The following NALF1 variants were observed in gnomAD, a reference collection of about 807,000 sequenced individuals.
NALF1 encodes the protein NALCN channel auxiliary factor 1.
Under a neutral mutation model 48.4 loss-of-function variants are expected in NALF1, and 3 were observed. The observed-to-expected ratio is 0.06, with a 90% CI of 0.03 to 0.16. The LOEUF is 0.16. Among genes scored for constraint, NALF1 ranks in the 10% least tolerant of loss-of-function variants. NALF1 has a pLI of 1.00. For synonymous variants in NALF1, 262 were observed against 245.7 expected, an observed-to-expected ratio of 1.07 and a Z score of -0.62; for missense variants, 526 against 571.5, an observed-to-expected ratio of 0.92 and a Z score of 0.81.
chr13:107,800,613 ATATATAT>A (rs1878580159), intron 1 of NALF1, among the ~76,000 whole-genome samples: 1 of 147,072 alleles, frequency 6.8e-6, no homozygotes, highest in Non-Finnish European at 1.5e-5. Flanking sequence ...GTAATATAAT[ATATATAT>A]TATATAATTA....
intron 1 of NALF1, among the ~76,000 whole-genome samples, chr13:107,849,050 C>A (rs1354815268): frequency 2.6e-5 from 4 of 152,090 alleles, no homozygotes; most frequent in African/African-American, 9.7e-5. Flanking sequence ...ACAACAACAC[C>A]CATTTTATTG....
At chr13:107,775,603 T>C (rs369416893) in intron 1 of NALF1, among the ~76,000 whole-genome samples, 6,641 of 144,886 alleles carry the variant, frequency 0.046, 135 homozygotes, top group East Asian at 0.086. Context: ...ATGGTATTTC[T>C]AGTTCTAGAT....
intron 1 of NALF1, among the ~76,000 whole-genome samples, chr13:107,305,436 T>G (rs1009479625): frequency 1.3e-5 from 2 of 152,250 alleles, no homozygotes; most frequent in African/African-American, 4.8e-5. Context: ...AACTTTTTTT[T>G]AAATTTATCA....
chr13:107,652,188 G>A lies in NALF1; in HGVS notation c.915+213494C>T, dbSNP rs150795138. Among the ~76,000 whole-genome samples, 157 of 152,232 alleles carry A rather than the reference G, an allele frequency of 1.0e-3. 1 individual carries two copies. The highest frequency in any genetic ancestry group is 3.7e-3 in the African/African-American group (154 of 41,558). On this transcript the variant is annotated intron_variant, in intron 1 of 2. Transcript: ENST00000375915. ...GCTTTTGGTCCACAGTTTAATCAATGCAATGGGGAGATTGGATTACCTAAG... is the reference window on the plus strand; with the variant it reads ...GCTTTTGGTCCACAGTTTAATCAATACAATGGGGAGATTGGATTACCTAAG...
chr13:107,838,696 C>T (rs1437286439), intron 1 of NALF1, among the ~76,000 whole-genome samples: 1 of 152,096 alleles, frequency 6.6e-6, no homozygotes, highest in Non-Finnish European at 1.5e-5. Flanking sequence ...ATGCCAAACA[C>T]ACCTCCACCC....
chr13:107,818,581 A>T (rs1014024278), intron 1 of NALF1, among the ~76,000 whole-genome samples: 5 of 151,954 alleles, frequency 3.3e-5, no homozygotes, highest in African/African-American at 1.2e-4. Flanking sequence ...GGTCTTAAAA[A>T]TCCAGTTGAG....
At chr13:107,513,590 A>C (rs1418286902) in intron 1 of NALF1, among the ~76,000 whole-genome samples, 1 of 138,058 alleles carries the variant, frequency 7.2e-6, no homozygotes, top group Non-Finnish European at 1.7e-5. Context: ...TAAACGTAAT[A>C]ATAGAAAGCA....
intron 1 of NALF1, among the ~76,000 whole-genome samples, chr13:107,338,925 G>A (rs1882614271): frequency 6.6e-6 from 1 of 152,046 alleles, no homozygotes; most frequent in South Asian, 2.1e-4. Context: ...GAGGTCAGGA[G>A]GTCGAGTCCA....
intron 1 of NALF1, among the ~76,000 whole-genome samples, chr13:107,765,488 A>G (rs1566473415): frequency 6.6e-6 from 1 of 152,198 alleles, no homozygotes; most frequent in Non-Finnish European, 1.5e-5. Flanking sequence ...TTATCACGAT[A>G]TTATATAGCT....
At chr13:107,631,121 C>G (rs943826063) in intron 1 of NALF1, among the ~76,000 whole-genome samples, 1 of 152,118 alleles carries the variant, frequency 6.6e-6, no homozygotes, top group African/African-American at 2.4e-5. Flanking sequence ...CCTCAGCCTC[C>G]CAGTAGCTGG....
chr13:107,282,307 T>C (rs1164139310), intron 1 of NALF1, among the ~76,000 whole-genome samples: 1 of 152,222 alleles, frequency 6.6e-6, no homozygotes, highest in African/African-American at 2.4e-5. Context: ...TTGCTATGAA[T>C]GTTATCCAGA....
intron 1 of NALF1, among the ~76,000 whole-genome samples, chr13:107,386,436 T>C (rs1883532006): frequency 1.3e-5 from 2 of 152,186 alleles, no homozygotes; most frequent in Admixed American, 1.3e-4. Context: ...TTTCCATGAC[T>C]TGGAAAGTCC....
intron 1 of NALF1, among the ~76,000 whole-genome samples, chr13:107,306,134 T>C: frequency 6.6e-6 from 1 of 152,184 alleles, no homozygotes; most frequent in East Asian, 1.9e-4. Context: ...GAACCATAAA[T>C]TTAAAATTAT....
intron 1 of NALF1, among the ~76,000 whole-genome samples, chr13:107,648,200 C>T (rs1357722754): frequency 6.6e-6 from 1 of 152,110 alleles, no homozygotes; most frequent in African/African-American, 2.4e-5. Flanking sequence ...ACTGAATTCC[C>T]TCATTCACAT....
At chr13:107,408,655 A>T (rs1292746505) in intron 1 of NALF1, among the ~76,000 whole-genome samples, 2 of 152,138 alleles carry the variant, frequency 1.3e-5, no homozygotes, top group African/African-American at 2.4e-5. Flanking sequence ...GTGACAGATG[A>T]CAATCATCAG....
intron 1 of NALF1, among the ~76,000 whole-genome samples, chr13:107,848,023 A>C (rs1178766861): frequency 6.6e-6 from 1 of 152,212 alleles, no homozygotes; most frequent in Non-Finnish European, 1.5e-5. Flanking sequence ...GAAAAATGGC[A>C]ACCACTCTAT....
chr13:107,274,733 G>A (rs1421851004), intron 1 of NALF1, among the ~76,000 whole-genome samples: 1 of 152,130 alleles, frequency 6.6e-6, no homozygotes, highest in African/African-American at 2.4e-5. Context: ...GGTATGGTAT[G>A]ATAATTATAG....
chr13:107,662,425 T>C (rs546581471), intron 1 of NALF1, among the ~76,000 whole-genome samples: 13 of 152,342 alleles, frequency 8.5e-5, no homozygotes, highest in African/African-American at 2.6e-4. Flanking sequence ...TTTAAAAGTA[T>C]TGAAAGCATG....
rs1236655635 is a variant in NALF1 at position 107,256,692 on chromosome 13, CCCTTGTTTGTCAGTTGCAACTAT to C, written c.916-45960_916-45938del. On this transcript the variant is annotated intron_variant, in intron 1 of 2. Transcript: ENST00000375915. The stretch of plus-strand genomic sequence containing the variant: ...TAACAACCAATAAAAGTTGGGACTA[CCCTTGTTTGTCAGTTGCAACTAT>C]CCTTGTTTGTCAGTTGCAACTACGG... Among the ~76,000 whole-genome samples the C allele has an allele frequency of 2.7e-5, 4 of 150,620 alleles. No individual in the cohort carries two copies. The East Asian group carries it at 5.8e-4, about 22-fold the overall frequency.
Sources: allele counts gnomAD v4.1 joint callset (sites outside exome capture counted in the v4.1 genomes callset), GRCh38; gene constraint gnomAD v4.1.1; transcripts MANE v1.5; gene names NCBI Gene and HGNC (gene_info 2026-07-23, HGNC 2026-07-21).